Variants in KANK1 observed in about 807,000 individuals in gnomAD.
KANK1 encodes KN motif and ankyrin repeat domain-containing protein 1.
A neutral mutation model predicts 106.2 loss-of-function variants in KANK1; 109 were observed. The observed-to-expected ratio is 1.03, with a 90% CI of 0.88 to 1.20. The LOEUF (loss-of-function observed/expected upper bound fraction) is 1.20, where lower values mean the gene tolerates loss of function less well. Among genes scored for constraint, KANK1 ranks in the 50% most tolerant of loss-of-function variants. The pLI, the probability that KANK1 is intolerant of heterozygous loss-of-function variation, is 0.00. For synonymous variants in KANK1, 873 were observed against 652.2 expected (o/e 1.34, Z -5.16); for missense variants, 2,399 against 1,710.7 (o/e 1.40, Z -7.10).
chr9:610,464 A>G (rs1830305689), intron 1 of KANK1, among the ~76,000 whole-genome samples: 1 of 152,194 alleles, frequency 6.6e-6, no homozygotes, highest in Non-Finnish European at 1.5e-5. Context: ...GTTTAGATAC[A>G]TGATTTAAGA....
intron 2 of KANK1, among the ~76,000 whole-genome samples, chr9:710,140 C>T (rs1342493312): frequency 6.6e-6 from 1 of 152,052 alleles, no homozygotes; most frequent in Admixed American, 6.6e-5. Flanking sequence ...ACTAGAAGCT[C>T]AAAGCTCATC....
intron 1 of KANK1, among the ~76,000 whole-genome samples, chr9:628,947 A>G (rs1345467742): frequency 7.4e-6 from 1 of 134,942 alleles, no homozygotes; most frequent in African/African-American, 3.4e-5. Context: ...GGGCATGGTG[A>G]TGGGCGCCTG....
In KANK1 at chr9:662,351, A is replaced by G. The variant is rs574572710; in HGVS notation, c.-83-14539A>G. On this transcript the variant is annotated intron_variant, in intron 1 of 11. Coordinates refer to ENST00000382297, the MANE Select transcript of KANK1 (RefSeq NM_015158.5). ...CTTTAAAGTTCATATGGAACCAAAA[A>G]AGAGCCCGCATTGCCAAGACAGTCC... Among the ~76,000 whole-genome samples, 5 of 152,292 alleles carry G rather than the reference A, an allele frequency of 3.3e-5. No homozygotes were observed. In the South Asian group the frequency reaches 1.0e-3, roughly 32 times the overall value.
At chr9:609,076 G>T (rs952677151) in intron 1 of KANK1, among the ~76,000 whole-genome samples, 1 of 151,472 alleles carries the variant, frequency 6.6e-6, no homozygotes, top group African/African-American at 2.4e-5. Flanking sequence ...AGAACTCAAA[G>T]GGAAGAAGAC....
At chr9:735,654 C>G in intron 7 of KANK1, 2 of 323,470 alleles carry the variant, frequency 6.2e-6, no homozygotes, top group Admixed American at 2.9e-5. Flanking sequence ...AACTATGCAT[C>G]TACTTTAAAT....
chr9:473,643 G>C (rs1054229500), intron 3 of KANK1, among the ~76,000 whole-genome samples: 6 of 152,124 alleles, frequency 3.9e-5, no homozygotes, highest in African/African-American at 1.2e-4. Context: ...CAAACCACAG[G>C]CACCTGTGAT....
Position 711,842 on chromosome 9 carries a change from A to C in KANK1, c.1076A>C (p.Gln359Pro). ...YEEEEMETVE[Q>P]STQRIKEFRQ... is the part of the protein sequence containing the mutation. ...GAGGAAGAAATGGAGACCGTAGAAC[A>C]GAGCACGCAGAGGATAAAGGAGTTC... is the stretch of plus-strand genomic sequence containing the variant. Residue 359 changes from glutamine (Q) to proline (P), a missense_variant, in exon 3 of 12, where the codon CAG becomes CCG. Physicochemically the swap from Gln to Pro is moderately conservative, Grantham distance 76. Transcript: ENST00000382297. 1 of 1,614,174 alleles carries C rather than the reference A, an allele frequency of 6.2e-7. No homozygotes were observed. Among genetic ancestry groups the C allele is most frequent in the Non-Finnish European group, 8.5e-7 (1 of 1,180,020 alleles).
At chr9:604,589 TGA>T (rs1828613778) in intron 1 of KANK1, among the ~76,000 whole-genome samples, 1 of 151,766 alleles carries the variant, frequency 6.6e-6, no homozygotes, top group African/African-American at 2.4e-5. Flanking sequence ...CCCAGCACTT[TGA>T]GAGACCAACG....
At chr9:486,554 G>C (rs1384197719) in intron 3 of KANK1, among the ~76,000 whole-genome samples, 2 of 152,188 alleles carry the variant, frequency 1.3e-5, no homozygotes, top group South Asian at 2.1e-4. Context: ...TATATAGCCT[G>C]TGAGTAGCAG....
chr9:575,995 C>T (rs1031827981), intron 1 of KANK1, among the ~76,000 whole-genome samples: 13 of 152,298 alleles, frequency 8.5e-5, no homozygotes, highest in African/African-American at 2.6e-4. Flanking sequence ...TGGACTCCAG[C>T]GTAGGCAACA....
chr9:725,360 GT>G, intron 3 of KANK1, among the ~76,000 whole-genome samples: 3 of 152,010 alleles, frequency 2.0e-5, no homozygotes, highest in Non-Finnish European at 2.9e-5. Context: ...AGGCATGGTT[GT>G]GCACACCTGT....
At chr9:595,408 C>T (rs1825964284) in intron 1 of KANK1, among the ~76,000 whole-genome samples, 1 of 152,044 alleles carries the variant, frequency 6.6e-6, no homozygotes, top group South Asian at 2.1e-4. Flanking sequence ...AGGAGCACTT[C>T]AGCTCCAAAC....
intron 1 of KANK1, among the ~76,000 whole-genome samples, chr9:572,383 T>C (rs1317578141): frequency 6.6e-6 from 1 of 151,902 alleles, no homozygotes; most frequent in African/African-American, 2.4e-5. Context: ...ACCCCGTCTC[T>C]ACTAAAAAAT....
intron 3 of KANK1, among the ~76,000 whole-genome samples, chr9:499,133 A>G (rs1226733774): frequency 6.6e-6 from 1 of 151,258 alleles, no homozygotes; most frequent in East Asian, 2.0e-4. Flanking sequence ...AGCCGAGATC[A>G]CACCACTGCA....
chr9:700,429 C>A (rs1041543443), intron 2 of KANK1, among the ~76,000 whole-genome samples: 1 of 152,186 alleles, frequency 6.6e-6, no homozygotes, highest in African/African-American at 2.4e-5. Flanking sequence ...ACTTCGCTGT[C>A]TTCTTAGAAC....
intron 1 of KANK1, among the ~76,000 whole-genome samples, chr9:661,791 T>A (rs893219602): frequency 2.0e-5 from 3 of 152,116 alleles, no homozygotes; most frequent in African/African-American, 7.2e-5. Context: ...CACCTGTTGT[T>A]CCCTGACATT....
At chr9:678,388 C>G (rs888293796) in intron 2 of KANK1, among the ~76,000 whole-genome samples, 1 of 152,012 alleles carries the variant, frequency 6.6e-6, no homozygotes, top group East Asian at 1.9e-4. Context: ...CATCATCATC[C>G]CTATGTAATG....
chr9:592,323 A>C (rs931983295), intron 1 of KANK1, among the ~76,000 whole-genome samples: 1 of 151,850 alleles, frequency 6.6e-6, no homozygotes, highest in Non-Finnish European at 1.5e-5. Context: ...GCTCTTTCCC[A>C]GGGAGCAGCG....
chr9:549,298 C>G (rs895176273), intron 1 of KANK1: 1 of 152,336 alleles, frequency 6.6e-6, no homozygotes, highest in African/African-American at 2.4e-5. Context: ...AGGTGCCTGC[C>G]GAAGACCCCT....
Sources: gnomAD v4.1 joint callset for allele counts (sites outside exome capture counted in the v4.1 genomes callset) on GRCh38, gnomAD v4.1.1 for gene constraint, MANE v1.5 for transcripts, NCBI Gene and HGNC (gene_info 2026-07-23, HGNC 2026-07-21) for gene names.